Variants in ATP8B4 observed in about 807,000 individuals in gnomAD.
ATP8B4 encodes ATPase phospholipid transporting 8B4 (putative).
ATP8B4 carries 133 observed loss-of-function variants against 145.6 expected under a neutral mutation model. That is an observed-to-expected ratio of 0.91 (90% confidence interval 0.79 to 1.05). The LOEUF is 1.05. ATP8B4 is among the 50% of genes least tolerant of loss of function. The pLI, the probability that ATP8B4 is intolerant of heterozygous loss-of-function variation, is 0.00. For synonymous variants in ATP8B4, 507 were observed against 492.9 expected, an observed-to-expected ratio of 1.03 and a Z score of -0.38; for missense variants, 1,458 against 1,425.2, an observed-to-expected ratio of 1.02 and a Z score of -0.37.
intron 20 of ATP8B4, among the ~76,000 whole-genome samples, chr15:49,909,124 T>C (rs1165561903): frequency 1.3e-5 from 2 of 152,210 alleles, no homozygotes; most frequent in Middle Eastern, 3.4e-3. Context: ...CTGTCCAGTC[T>C]GGCTTTGACC....
chr15:49,967,158 G>A (rs969970544), intron 13 of ATP8B4, among the ~76,000 whole-genome samples: 5 of 152,196 alleles, frequency 3.3e-5, no homozygotes, highest in African/African-American at 1.2e-4. Context: ...CCATGAAGAT[G>A]AGGAAAAACC....
intron 6 of ATP8B4, among the ~76,000 whole-genome samples, chr15:50,013,212 C>T (rs1429430894): frequency 6.6e-6 from 1 of 152,050 alleles, no homozygotes; most frequent in Non-Finnish European, 1.5e-5. Context: ...TGGGTTTTGT[C>T]ACCAACTTGA....
intron 3 of ATP8B4, among the ~76,000 whole-genome samples, chr15:50,072,871 TGGCCTCC>T (rs1384775319): frequency 1.8e-4 from 26 of 142,746 alleles, no homozygotes; most frequent in Middle Eastern, 7.8e-3. Context: ...CTGCCCACCT[TGGCCTCC>T]CAAACTAGTG....
At chr15:49,967,132 C>T (rs1479091419) in intron 13 of ATP8B4, among the ~76,000 whole-genome samples, 5 of 152,124 alleles carry the variant, frequency 3.3e-5, no homozygotes, top group Non-Finnish European at 5.9e-5. Flanking sequence ...ACAACAAAGA[C>T]CAAAGGTAGA....
At chr15:50,054,371 T>C (rs758378621) in intron 3 of ATP8B4, among the ~76,000 whole-genome samples, 15 of 152,224 alleles carry the variant, frequency 9.9e-5, no homozygotes, top group African/African-American at 3.6e-4. Flanking sequence ...AGAGTCACCA[T>C]GGGTCCAAAA....
chr15:49,881,961 CTA>C (rs1054311458), intron 23 of ATP8B4, among the ~76,000 whole-genome samples: 1 of 152,186 alleles, frequency 6.6e-6, no homozygotes, highest in Admixed American at 6.5e-5. Context: ...TCTCCAGACT[CTA>C]TGTTTATTTC....
chr15:49,870,295 T>C (rs1303568957), intron 25 of ATP8B4, among the ~76,000 whole-genome samples: 1 of 152,136 alleles, frequency 6.6e-6, no homozygotes, highest in East Asian at 1.9e-4. Context: ...TATGTGTGTA[T>C]GCGTCGTCTC....
intron 20 of ATP8B4, among the ~76,000 whole-genome samples, chr15:49,903,988 G>A (rs1161584605): frequency 6.6e-6 from 1 of 152,112 alleles, no homozygotes; most frequent in Non-Finnish European, 1.5e-5. Context: ...GAAAGCTGGA[G>A]CTTTGAGCTT....
chr15:49,934,259 C>A (rs1295956478), intron 14 of ATP8B4, 77 bp from the exon 15 acceptor site: 18 of 1,464,204 alleles, frequency 1.2e-5, no homozygotes, highest in Non-Finnish European at 1.5e-5. Flanking sequence ...AAAATAGTTC[C>A]CCCAAGTATT....
intron 14 of ATP8B4, among the ~76,000 whole-genome samples, chr15:49,937,324 T>A (rs1020684134): frequency 6.6e-6 from 1 of 152,158 alleles, no homozygotes; most frequent in Non-Finnish European, 1.5e-5. Flanking sequence ...GACTTTTCAC[T>A]AGGGCACAAA....
chr15:49,884,598 G>A (rs1477489813), intron 23 of ATP8B4, among the ~76,000 whole-genome samples: 5 of 103,938 alleles, frequency 4.8e-5, no homozygotes, highest in South Asian at 7.3e-4. Context: ...GTGAAATCCT[G>A]TCTCCAAAAA....
chr15:50,010,833 T>G lies in ATP8B4; in HGVS notation c.435+12A>C. On this transcript the variant is annotated intron_variant, in intron 7 of 27. Transcript: ENST00000284509. Reference sequence around the variant, plus strand: ...TCTGAGATAAATTATTCAAACAATATTGAATACTTACAGCAACAAATTGGT... The same window carrying G: ...TCTGAGATAAATTATTCAAACAATAGTGAATACTTACAGCAACAAATTGGT... The G allele has an allele frequency of 6.7e-7, 1 of 1,497,704 alleles. No individual in the cohort carries two copies. Among genetic ancestry groups the G allele is most frequent in the Non-Finnish European group, 9.0e-7 (1 of 1,108,652 alleles). The allele number at this position is 1,497,704 out of a possible 1,614,324, so 92.8% of individuals were successfully genotyped here. A position where few individuals can be genotyped will look rare whatever the true frequency, so the allele number is the denominator to read the frequency against.
chr15:50,048,476 G>A (rs990459531), intron 3 of ATP8B4, among the ~76,000 whole-genome samples: 16 of 152,060 alleles, frequency 1.1e-4, no homozygotes, highest in Non-Finnish European at 1.8e-4. Context: ...GGGAGGCAGA[G>A]GTAGGTGGAT....
At chr15:50,053,063 A>G (rs2052315660) in intron 3 of ATP8B4, among the ~76,000 whole-genome samples, 1 of 152,214 alleles carries the variant, frequency 6.6e-6, no homozygotes, top group Admixed American at 6.5e-5. Context: ...GATGATGCAC[A>G]GCTTGGATCA....
chr15:50,133,704 C>CAA (rs1325265648), intron 1 of ATP8B4, among the ~76,000 whole-genome samples: 1 of 152,058 alleles, frequency 6.6e-6, no homozygotes, highest in African/African-American at 2.4e-5. Context: ...AGATGTTGGT[C>CAA]AAAATTTATG....
intron 2 of ATP8B4, among the ~76,000 whole-genome samples, chr15:50,100,429 C>A (rs1181405346): frequency 1.3e-5 from 2 of 152,080 alleles, no homozygotes; most frequent in Admixed American, 6.6e-5. Context: ...TCCTTGCTAC[C>A]ATCAACTTAA....
intron 8 of ATP8B4, among the ~76,000 whole-genome samples, chr15:49,998,295 G>C (rs1398288141): frequency 7.2e-5 from 11 of 152,126 alleles, no homozygotes; most frequent in Admixed American, 7.2e-4. Context: ...TCTAGTTCTA[G>C]ATCCCTGAGG....
rs142425113 is a variant in ATP8B4 at position 50,104,866 on chromosome 15, T to TACACACACACACACACACACACAC, written c.28+2072_28+2073insGTGTGTGTGTGTGTGTGTGTGTGT. 2.5e-3 allele frequency among the ~76,000 whole-genome samples: 295 copies of TACACACACACACACACACACACAC among 116,380 alleles called. 2 individuals carry two copies. Among genetic ancestry groups the TACACACACACACACACACACACAC allele is most frequent in the East Asian group, 0.011 (29 of 2,600 alleles). 76.3% of individuals were successfully genotyped at this position (116,380 alleles called of 152,430 possible). On this transcript the variant is annotated intron_variant, in intron 2 of 27. Coordinates refer to ENST00000284509, the MANE Select transcript of ATP8B4 (RefSeq NM_024837.4). ...ACGAGCAAATAAAGAAAATGTTGCA[T>TACACACACACACACACACACACAC]ACACACACACACACACACACACCCA... is the stretch of plus-strand genomic sequence containing the variant.
At chr15:50,025,216 T>C (rs188540286) in intron 6 of ATP8B4, among the ~76,000 whole-genome samples, 54 of 152,304 alleles carry the variant, frequency 3.5e-4, no homozygotes, top group Non-Finnish European at 1.2e-4. Context: ...TCCCCATATC[T>C]ATCTTGACCC....
Sources: allele counts gnomAD v4.1 joint callset (sites outside exome capture counted in the v4.1 genomes callset), GRCh38; gene constraint gnomAD v4.1.1; transcripts MANE v1.5; gene names NCBI Gene and HGNC (gene_info 2026-07-23, HGNC 2026-07-21).